The following GPHN variants were observed in gnomAD, a reference collection of about 807,000 sequenced individuals.
The protein encoded by GPHN is gephyrin.
Under a neutral mutation model 95.5 loss-of-function variants are expected in GPHN, and 17 were observed. The observed-to-expected ratio is 0.18, with a 90% confidence interval of 0.12 to 0.27. The LOEUF (loss-of-function observed/expected upper bound fraction) is 0.27, where lower values mean the gene tolerates loss of function less well. Ranked by LOEUF, GPHN falls within the 10% of genes least tolerant of loss-of-function variation. GPHN has a pLI of 1.00. For synonymous variants in GPHN, 320 were observed against 322.5 expected (o/e 0.99, Z 0.08); for missense variants, 660 against 978.1 (o/e 0.67, Z 4.34).
chr14:67,585,842 C>T, the GPHN span: 2 of 1,210,842 alleles, frequency 1.7e-6, no homozygotes, highest in South Asian at 1.4e-5. Context: ...CAAATTATGA[C>T]CACTTGGGAG....
At chr14:66,639,294 A>T (rs898656273) in intron 1 of GPHN, among the ~76,000 whole-genome samples, 1 of 151,884 alleles carries the variant, frequency 6.6e-6, no homozygotes, top group East Asian at 1.9e-4. Flanking sequence ...CTAAAGGTTT[A>T]AAAAAAATTC....
chr14:67,089,049 C>A lies in GPHN; in HGVS notation c.1211C>A (p.Ser404Ter). The A allele has an allele frequency of 1.3e-6, 2 of 1,583,784 alleles. No homozygotes were observed. The highest frequency in any genetic ancestry group is 1.7e-6 in the Non-Finnish European group (2 of 1,153,922). Residue 404 changes from serine to a stop codon, truncating the protein, a stop_gained, in exon 12 of 23, where the codon TCA (serine) becomes TAA (stop). Transcript: ENST00000478722. LOFTEE classifies it high-confidence loss of function. ...AKDNLPPFPA[S>*]VKDGYAVRAA... ...GACAATTTACCCCCCTTCCCAGCAT[C>A]AGTAAAAGATGGCTATGCTGTCCGA... is the stretch of plus-strand genomic sequence containing the variant.
the GPHN span, among the ~76,000 whole-genome samples, chr14:67,217,618 G>A: frequency 6.6e-6 from 1 of 152,094 alleles, no homozygotes; most frequent in Non-Finnish European, 1.5e-5. Context: ...TTGCATGATG[G>A]TGGCTATCAT....
intron 8 of GPHN, among the ~76,000 whole-genome samples, chr14:66,936,439 A>C (rs1020949478): frequency 6.6e-6 from 1 of 152,178 alleles, no homozygotes; most frequent in Non-Finnish European, 1.5e-5. Flanking sequence ...TTAAGTGATA[A>C]GATGCACTGC....
the GPHN span, chr14:67,581,132 G>A: frequency 2.5e-6 from 2 of 786,184 alleles, no homozygotes; most frequent in Non-Finnish European, 2.2e-6. Context: ...ATCCAGACGG[G>A]GGGAGGGACC....
At chr14:66,734,106 G>A (rs1169218215) in intron 2 of GPHN, among the ~76,000 whole-genome samples, 1 of 151,988 alleles carries the variant, frequency 6.6e-6, no homozygotes, top group African/African-American at 2.4e-5. Context: ...TTCCATTCCT[G>A]TCATCCTTTA....
At chr14:67,439,593 C>CTTTTTCTTTCTTTCTTTCT in the GPHN span, among the ~76,000 whole-genome samples, 1 of 109,764 alleles carries the variant, frequency 9.1e-6, no homozygotes, top group Admixed American at 8.9e-5. Context: ...TTCTTTCTTT[C>CTTTTTCTTTCTTTCTTTCT]TTCTTTCTTT....
chr14:67,605,180 C>T, the GPHN span, among the ~76,000 whole-genome samples: 7 of 152,070 alleles, frequency 4.6e-5, no homozygotes, highest in Non-Finnish European at 8.8e-5. Flanking sequence ...TTAACTATGC[C>T]GCATGTTCCA....
chr14:66,745,750 T>C (rs2058118766), intron 2 of GPHN, among the ~76,000 whole-genome samples: 1 of 152,014 alleles, frequency 6.6e-6, no homozygotes. Context: ...AGTTTACTTA[T>C]GTATAATGAG....
the GPHN span, among the ~76,000 whole-genome samples, chr14:67,242,984 AAATCTC>A: frequency 6.6e-6 from 1 of 152,180 alleles, no homozygotes; most frequent in African/African-American, 2.4e-5. Context: ...TTTTGATTAA[AAATCTC>A]ATCACAGGGG....
At chr14:67,678,246 G>A in the GPHN span, 1 of 1,015,720 alleles carries the variant, frequency 9.8e-7, no homozygotes. Flanking sequence ...TGAAAACCTT[G>A]AAGGAGAATC....
At chr14:67,581,894 ATCTGCTCTGTG>A in the GPHN span, 1 of 612,776 alleles carries the variant, frequency 1.6e-6, no homozygotes, top group Non-Finnish European at 2.8e-6. Flanking sequence ...ATGACCCTGC[ATCTGCTCTGTG>A]TCATACTCGG....
intron 3 of GPHN, among the ~76,000 whole-genome samples, chr14:66,787,925 G>A (rs1458148896): frequency 6.6e-6 from 1 of 151,022 alleles, no homozygotes; most frequent in East Asian, 1.9e-4. Flanking sequence ...CCTGGGGCTA[G>A]ATGAATGAAG....
intron 2 of GPHN, among the ~76,000 whole-genome samples, chr14:66,766,328 C>T (rs1035551953): frequency 6.6e-6 from 1 of 152,028 alleles, no homozygotes; most frequent in South Asian, 2.1e-4. Flanking sequence ...ATTTTAAGCC[C>T]TGCCAAGGCA....
chr14:67,382,767 C>G, the GPHN span: 2 of 641,140 alleles, frequency 3.1e-6, no homozygotes, highest in Non-Finnish European at 5.3e-6. Context: ...AGGGAATAAA[C>G]AATATAAATG....
chr14:67,731,358 G>A, the GPHN span, among the ~76,000 whole-genome samples: 1 of 151,788 alleles, frequency 6.6e-6, no homozygotes, highest in African/African-American at 2.4e-5. Context: ...GGGATTACAG[G>A]TGCATGCCAC....
rs1182919697 is a variant in GPHN at position 66,661,064 on chromosome 14, C to A, written c.65-20043C>A. 2.0e-5 allele frequency among the ~76,000 whole-genome samples: 3 copies of A among 152,180 alleles called. No homozygotes were observed. In the East Asian group the frequency reaches 5.8e-4, roughly 29 times the overall value. On this transcript the variant is annotated intron_variant, in intron 1 of 22. Coordinates refer to ENST00000478722, the MANE Select transcript of GPHN (RefSeq NM_020806.5). ...ACTTTACATACTCTGGCTCTAGTAT[C>A]CCTAACAAAGGTGATTGCAACTTAG...
At chr14:66,508,870 G>C (rs556540524) in intron 1 of GPHN, among the ~76,000 whole-genome samples, 16 of 152,290 alleles carry the variant, frequency 1.1e-4, no homozygotes, top group Middle Eastern at 6.8e-3. Context: ...CCGAGGGGCC[G>C]GTGCGGAGGG....
intron 1 of GPHN, among the ~76,000 whole-genome samples, chr14:66,585,763 A>G (rs1357682136): frequency 6.6e-6 from 1 of 152,066 alleles, no homozygotes; most frequent in Non-Finnish European, 1.5e-5. Flanking sequence ...ACAGTTTGTT[A>G]TAATTTCTGT....
Sources: gnomAD v4.1 joint callset for allele counts (sites outside exome capture counted in the v4.1 genomes callset) on GRCh38, gnomAD v4.1.1 for gene constraint, MANE v1.5 for transcripts, NCBI Gene and HGNC (gene_info 2026-07-23, HGNC 2026-07-21) for gene names.